The following VSIG10L2 variants were observed in gnomAD, a reference collection of about 807,000 sequenced individuals.
The protein encoded by VSIG10L2 is V-set and immunoglobulin domain containing 10 like 2.
A neutral mutation model predicts 67.1 loss-of-function variants in VSIG10L2; 56 were observed. The observed-to-expected ratio is 0.83, with a 90% CI of 0.67 to 1.04. The LOEUF (loss-of-function observed/expected upper bound fraction) is 1.04, where lower values mean the gene tolerates loss of function less well. VSIG10L2 is among the 50% of genes least tolerant of loss of function. The pLI is 0.00. For missense variants in VSIG10L2, 843 were observed against 932.8 expected, an observed-to-expected ratio of 0.90 and a Z score of 1.25; for synonymous variants, 360 against 396.6, an observed-to-expected ratio of 0.91 and a Z score of 1.10.
rs7938441 is a variant in VSIG10L2, at chr11:125,953,597, G to C, written c.1693G>C (p.Asp565His). The C allele has an allele frequency of 8.1e-7, 1 of 1,232,180 alleles. No homozygotes were observed. The highest frequency in any genetic ancestry group is 3.2e-5 in the East Asian group (1 of 31,684). The allele number at this position is 1,232,180 out of a possible 1,614,324, so 76.3% of individuals were successfully genotyped here. A position where few individuals can be genotyped will look rare whatever the true frequency, so the allele number is the denominator to read the frequency against. ...TGCCCAGCTGCGCCTGGGCATCTACGATGCTGACCCGGCACACCACAGGGG... is the reference window on the plus strand; with the variant it reads ...TGCCCAGCTGCGCCTGGGCATCTACCATGCTGACCCGGCACACCACAGGGG... ...EGAQLRLGIY[D>H]ADPAHHRGTY... Residue 565 changes from aspartate (D) to histidine (H), a missense_variant, in exon 7 of 12, where the codon GAT becomes CAT. Asp to His is a moderately conservative substitution (Grantham distance 81). Coordinates refer to ENST00000686984, the MANE Select transcript of VSIG10L2 (RefSeq NM_001365077.2).
chr11:125,949,983 G>A (rs1945344289), intron 3 of VSIG10L2, 31 bp from the exon 4 acceptor site: 2 of 1,232,380 alleles, frequency 1.6e-6, no homozygotes, highest in Admixed American at 8.4e-5. Context: ...ATGAAGCTGG[G>A]GAGGTGTAAC....
In VSIG10L2 at chr11:125,946,710, G is replaced by A. The variant is rs1043290923; in HGVS notation, c.82+573G>A. Among the ~76,000 whole-genome samples the A allele has an allele frequency of 6.6e-6, 1 of 152,004 alleles. No homozygotes were observed. On this transcript the variant is annotated intron_variant, in intron 1 of 11. Transcript: ENST00000686984. This position sits in a 1 kb window ranked among gnomAD's most constrained non-coding sequence, Gnocchi z 4.4. ...GTGCCACCATGCCCAGCTAATTTTT[G>A]TATTTTTAGTAGAGCCAGGGTTTTG... is the stretch of plus-strand genomic sequence containing the variant.
At chr11:125,947,061 G>T (rs904881745) in intron 1 of VSIG10L2, among the ~76,000 whole-genome samples, 2 of 152,154 alleles carry the variant, frequency 1.3e-5, no homozygotes, top group African/African-American at 2.4e-5. Context: ...GAGCAGGGGT[G>T]GGGGGCTCAT....
chr11:125,956,190 G>A lies in VSIG10L2; in HGVS notation c.*276G>A, dbSNP rs1304618012. ...AGACAGGGATCTCTGGGTGTCTGAG[G>A]GCAAGTGAAAGCCATGGTACTGGGA... On this transcript the variant is annotated 3_prime_UTR_variant, in exon 12 of 12. Transcript: ENST00000686984. The A allele has an allele frequency of 1.7e-6, 1 of 603,794 alleles. No individual in the cohort carries two copies. The allele number at this position is 603,794 out of a possible 1,614,324, so 37.4% of individuals were successfully genotyped here.
At position 125,946,818 on chromosome 11, in the gene VSIG10L2, C is replaced by G. The variant is rs531559189; in HGVS notation, c.82+681C>G. ...CTCCCAGAGTGCTGGGATTACAGGC[C>G]TGAGCCACTGAGCCCGGCCCCAGAG... is the stretch of plus-strand genomic sequence containing the variant. On this transcript the variant is annotated intron_variant, in intron 1 of 11. Transcript: ENST00000686984. The surrounding 1 kb of genome is among the most constrained non-coding windows in gnomAD (Gnocchi z 4.4). 2.8e-4 allele frequency among the ~76,000 whole-genome samples: 43 copies of G among 152,258 alleles called. No homozygotes were observed. In the South Asian group the frequency reaches 7.3e-3, roughly 26 times the overall value.
intron 3 of VSIG10L2, among the ~76,000 whole-genome samples, chr11:125,949,499 T>C (rs542586279): frequency 3.3e-5 from 5 of 152,304 alleles, no homozygotes; most frequent in Admixed American, 3.3e-4. Flanking sequence ...AGGAGCAGAC[T>C]GGAAGTAGGC....
chr11:125,955,769 C>A, intron 11 of VSIG10L2, 48 bp from the exon 12 acceptor site: 1 of 1,018,000 alleles, frequency 9.8e-7, no homozygotes, highest in Non-Finnish European at 1.5e-6. Flanking sequence ...AACACTTGGA[C>A]ACTCCCAAAG....
chr11:125,953,214 C>G (rs144971659), intron 6 of VSIG10L2, among the ~76,000 whole-genome samples, 186 bp from the exon 7 acceptor site: 1 of 152,144 alleles, frequency 6.6e-6, no homozygotes, highest in African/African-American at 2.4e-5. Flanking sequence ...CGAGCCCTGG[C>G]GCACACTGTG....
intron 6 of VSIG10L2, 99 bp downstream of exon 6, chr11:125,952,172 G>A: frequency 7.1e-7 from 1 of 1,416,368 alleles, no homozygotes; most frequent in Non-Finnish European, 9.3e-7. Flanking sequence ...GTGCTGGCAT[G>A]GAAAGTGAGT....
intron 3 of VSIG10L2, among the ~76,000 whole-genome samples, chr11:125,949,742 A>G (rs751421186): frequency 9.2e-5 from 14 of 152,178 alleles, no homozygotes; most frequent in Non-Finnish European, 2.1e-4. Context: ...TTGGTCCCCT[A>G]CCTCTCTTCT....
intron 3 of VSIG10L2, 47 bp downstream of exon 3, chr11:125,948,627 C>T (rs1945325207): frequency 8.1e-7 from 1 of 1,230,878 alleles, no homozygotes; most frequent in Admixed American, 4.2e-5. Context: ...ACACCCATCT[C>T]CCCATCCACA....
Position 125,955,180 on chromosome 11 carries a change from G to T in VSIG10L2, c.2206+1G>T. Reference sequence around the variant, plus strand: ...GCCCGGCACCCAGAGACTTTCCCCCGTGAGTGGGAATCGGAAGGGACGGGC... The same window carrying T: ...GCCCGGCACCCAGAGACTTTCCCCCTTGAGTGGGAATCGGAAGGGACGGGC... On this transcript the variant is annotated splice_donor_variant, in intron 9 of 11. Coordinates refer to ENST00000686984, the MANE Select transcript of VSIG10L2 (RefSeq NM_001365077.2). LOFTEE classifies it high-confidence loss of function. 1 of 1,248,004 alleles carries T rather than the reference G, an allele frequency of 8.0e-7. No individual in the cohort carries two copies. The highest frequency in any genetic ancestry group is 3.1e-5 in the East Asian group (1 of 32,356). The allele number at this position is 1,248,004 out of a possible 1,614,324, so 77.3% of individuals were successfully genotyped here.
At chr11:125,949,156 G>A (rs1416597208) in intron 3 of VSIG10L2, among the ~76,000 whole-genome samples, 2 of 152,228 alleles carry the variant, frequency 1.3e-5, no homozygotes, top group Non-Finnish European at 2.9e-5. Flanking sequence ...TAAAATATCC[G>A]TAACTTCTAT....
chr11:125,955,722 T>C (rs889961278), intron 11 of VSIG10L2, 55 bp downstream of exon 11: 15 of 1,412,608 alleles, frequency 1.1e-5, no homozygotes, highest in Non-Finnish European at 1.4e-5. Context: ...CAGTGCTGGG[T>C]GCTGAGGGTG....
At position 125,947,936 on chromosome 11, in the gene VSIG10L2, G is replaced by A. The variant is rs972441673; in HGVS notation, c.333G>A (p.Glu111=). Residue 111 remains glutamate, a synonymous_variant, in exon 2 of 12, where the codon GAG becomes GAA. Coordinates refer to ENST00000686984, the MANE Select transcript of VSIG10L2 (RefSeq NM_001365077.2). ...SLRNSSLVLG[E]LHEGARGHFL... Reference sequence around the variant, plus strand: ...GGAACAGCAGCCTGGTGCTGGGGGAGCTTCACGAGGGTGCCCGTGGCCACT... The same window carrying A: ...GGAACAGCAGCCTGGTGCTGGGGGAACTTCACGAGGGTGCCCGTGGCCACT... The A allele has an allele frequency of 9.9e-5, 122 of 1,232,328 alleles. No individual in the cohort carries two copies. Among genetic ancestry groups the A allele is most frequent in the Non-Finnish European group, 1.2e-4 (116 of 988,082 alleles). The allele number at this position is 1,232,328 out of a possible 1,614,324, so 76.3% of individuals were successfully genotyped here.
In VSIG10L2 at chr11:125,948,567, C is replaced by G; in HGVS notation, c.696C>G (p.Phe232Leu). The G allele has an allele frequency of 8.1e-7, 1 of 1,232,296 alleles. No homozygotes were observed. The highest frequency in any genetic ancestry group is 4.1e-5 in the South Asian group (1 of 24,320). 76.3% of individuals were successfully genotyped at this position (1,232,296 alleles called of 1,614,324 possible). ...SVNRLSSDGA[F>L]LDVIYGPDKP... ...ACAGGCTGAGCAGTGACGGGGCCTT[C>G]CTGGACGTCATTTGTGAGTCAGACT... Residue 232 changes from phenylalanine to leucine, a missense_variant, in exon 3 of 12, where the codon TTC becomes TTG. By Grantham distance (22) the Phe-to-Leu change is conservative. Transcript: ENST00000686984.
At chr11:125,953,998 G>A in intron 7 of VSIG10L2, 89 bp from the exon 8 acceptor site, 1 of 1,107,126 alleles carries the variant, frequency 9.0e-7, no homozygotes, top group Non-Finnish European at 1.1e-6. Context: ...ACACTGCCAG[G>A]CTGTCTCTTG....
Position 125,953,396 on chromosome 11 carries a change from G to C in VSIG10L2, c.1496-4G>C. ...AGCCGGCCTCATCCTCTCTGTCCCC[G>C]CAGAAGCCCCACAGCTGGACGTGGC... On this transcript the variant is annotated splice_polypyrimidine_tract_variant and splice_region_variant and intron_variant, in intron 6 of 11. Transcript: ENST00000686984. The C allele has an allele frequency of 8.1e-7, 1 of 1,232,386 alleles. No homozygotes were observed. The highest frequency in any genetic ancestry group is 1.6e-5 in the African/African-American group (1 of 64,496). The allele number at this position is 1,232,386 out of a possible 1,614,324, so 76.3% of individuals were successfully genotyped here.
At chr11:125,952,989 A>C (rs540144645) in intron 6 of VSIG10L2, among the ~76,000 whole-genome samples, 1 of 152,232 alleles carries the variant, frequency 6.6e-6, no homozygotes, top group East Asian at 1.9e-4. Flanking sequence ...GGTCTTTAAT[A>C]AGTCAGTCCA....
Sources: gnomAD v4.1 joint callset for allele counts (sites outside exome capture counted in the v4.1 genomes callset) on GRCh38, gnomAD v4.1.1 for gene constraint, Gnocchi (gnomAD v3.1) non-coding constraint, MANE v1.5 for transcripts, NCBI Gene and HGNC (gene_info 2026-07-23, HGNC 2026-07-21) for gene names.